ATP2C1: variants seen among roughly 807,000 people sequenced by gnomAD.
ATP2C1 encodes the protein calcium-transporting ATPase type 2C member 1.
ATP2C1 carries 31 observed loss-of-function variants against 120.5 expected under a neutral mutation model. That is an observed-to-expected ratio of 0.26 (90% CI 0.19 to 0.35). The LOEUF is 0.35. Ranked by LOEUF, ATP2C1 falls within the 10% of genes least tolerant of loss-of-function variation. ATP2C1 has a pLI of 1.00. For missense variants in ATP2C1, 731 were observed against 1,107.5 expected (o/e 0.66, Z 4.83); for synonymous variants, 351 against 358.7 (o/e 0.98, Z 0.24).
intron 1 of ATP2C1, among the ~76,000 whole-genome samples, chr3:130,880,776 A>C (rs912818739): frequency 6.6e-6 from 1 of 152,146 alleles, no homozygotes; most frequent in Non-Finnish European, 1.5e-5. Flanking sequence ...GTCTGTTTGG[A>C]TGATTGTCCT....
At chr3:130,993,031 T>G in intron 21 of ATP2C1, 30 bp downstream of exon 21, 1 of 1,585,886 alleles carries the variant, frequency 6.3e-7, no homozygotes, top group Non-Finnish European at 8.7e-7. Flanking sequence ...ATTGTTTTAT[T>G]TCTGTATACA....
At position 131,008,868 on chromosome 3, in the gene ATP2C1, G is replaced by A. The variant is rs537646567; in HGVS notation, c.2630-7284G>A. On this transcript the variant is annotated intron_variant, in intron 26 of 26. Coordinates refer to the ATP2C1 transcript ENST00000328560. ...CCATCAAGGCCCCCATGTAGAGAAA[G>A]TCAGAGTGTCTCAGACTGTTGTTAA... Among the ~76,000 whole-genome samples, 9 of 152,314 alleles carry A rather than the reference G, an allele frequency of 5.9e-5. No homozygotes were observed. The South Asian group carries it at 1.7e-3, about 28-fold the overall frequency.
At chr3:130,909,778 T>A (rs1218107284) in intron 2 of ATP2C1, among the ~76,000 whole-genome samples, 1 of 152,190 alleles carries the variant, frequency 6.6e-6, no homozygotes, top group African/African-American at 2.4e-5. Context: ...CCCATGTGTT[T>A]GTCTGAATTA....
chr3:130,872,399 A>G (rs942758742), intron 1 of ATP2C1, among the ~76,000 whole-genome samples: 1 of 152,094 alleles, frequency 6.6e-6, no homozygotes, highest in Admixed American at 6.5e-5. Context: ...TATGTTTAAT[A>G]TGTATTCTGT....
chr3:130,979,470 G>C, intron 19 of ATP2C1, 51 bp downstream of exon 19: 8 of 1,564,336 alleles, frequency 5.1e-6, no homozygotes, highest in Non-Finnish European at 7.0e-6. Flanking sequence ...TTAAAATACT[G>C]TGGTGCATAA....
intron 2 of ATP2C1, among the ~76,000 whole-genome samples, chr3:130,906,120 TTAAAGTGTATAA>T (rs2058108622): frequency 6.6e-6 from 1 of 152,110 alleles, no homozygotes; most frequent in Admixed American, 6.6e-5. Context: ...ATTTGTCATT[TTAAAGTGTATAA>T]TTCAGTGGTT....
rs2062970714 is a variant in ATP2C1 at position 131,003,130 on chromosome 3, A to C, written c.*1780A>C. ...TTCATTTGCTTTGTACTATAAAAAT[A>C]AAAATGATTTCTTAAGTTAATGACA... On this transcript the variant is annotated 3_prime_UTR_variant, in exon 28 of 28. Coordinates refer to ENST00000510168, the MANE Select transcript of ATP2C1 (RefSeq NM_001378687.1). 1 of 982,718 alleles carries C rather than the reference A, an allele frequency of 1.0e-6. No individual in the cohort carries two copies. The highest frequency in any genetic ancestry group is 1.2e-6 in the Non-Finnish European group (1 of 827,164). The allele number at this position is 982,718 out of a possible 1,614,324, so 60.9% of individuals were successfully genotyped here.
chr3:130,971,108 A>G (rs1214365956), intron 17 of ATP2C1, among the ~76,000 whole-genome samples: 3 of 152,226 alleles, frequency 2.0e-5, no homozygotes, highest in African/African-American at 7.2e-5. Flanking sequence ...TTAACCACAT[A>G]GTTATATGGC....
rs72628534 is a variant in ATP2C1, at chr3:130,964,132, C to T, written c.1024+37C>T. On this transcript the variant is annotated intron_variant, in intron 13 of 27. Transcript: ENST00000510168. ...TTAAGAGCATTCTTATGCAATGATGCGTAAGTTTATGTCAATAGTGAATCA... is the reference window on the plus strand; with the variant it reads ...TTAAGAGCATTCTTATGCAATGATGTGTAAGTTTATGTCAATAGTGAATCA... 9.1e-3 allele frequency: 14,651 copies of T among 1,608,936 alleles called. 1,012 individuals are homozygous for T. The East Asian group carries it at 0.19, about 20-fold the overall frequency.
rs375713962 is a variant in ATP2C1, at chr3:130,975,315, G to A, written c.1414-17G>A. ...CAAGTTGAAATTAAACTTGTGTTTGGTACATTTTCTTCTTAGGACAGACCA... is the reference window on the plus strand; with the variant it reads ...CAAGTTGAAATTAAACTTGTGTTTGATACATTTTCTTCTTAGGACAGACCA... On this transcript the variant is annotated splice_polypyrimidine_tract_variant and intron_variant, in intron 17 of 27. Transcript: ENST00000510168. 6.8e-6 allele frequency: 11 copies of A among 1,613,064 alleles called. No homozygotes were observed. The African/African-American group carries it at 8.0e-5, about 12-fold the overall frequency.
At chr3:131,016,314 A>C in exon 27 of ATP2C1, 2 of 1,614,110 alleles carry the variant, frequency 1.2e-6, no homozygotes, top group South Asian at 2.2e-5. Context: ...ACATCTTAGC[A>C]CCATCTTCCT....
intron 25 of ATP2C1, 41 bp from the exon 26 acceptor site, chr3:130,998,252 AT>A (rs1422319270): frequency 7.7e-7 from 1 of 1,302,190 alleles, no homozygotes; most frequent in Admixed American, 1.7e-5. Flanking sequence ...TATCCATTAA[AT>A]TCAGCCACTG....
chr3:130,940,627 T>A lies in ATP2C1; in HGVS notation c.361-3T>A, dbSNP rs576608701. 6.2e-7 allele frequency: 1 copy of A among 1,600,622 alleles called. No homozygotes were observed. The highest frequency in any genetic ancestry group is 8.6e-7 in the Non-Finnish European group (1 of 1,168,228). ...TAAATTCTACTTTTTTTTGTTTGAA[T>A]AGGAATATCGTTCAGAAAAATCTCT... On this transcript the variant is annotated splice_polypyrimidine_tract_variant and splice_region_variant and intron_variant, in intron 6 of 27. Coordinates refer to ENST00000510168, the MANE Select transcript of ATP2C1 (RefSeq NM_001378687.1).
At position 130,999,567 on chromosome 3, in the gene ATP2C1, A is replaced by G; in HGVS notation, c.2537A>G (p.Tyr846Cys). 2 of 1,613,696 alleles carry G rather than the reference A, an allele frequency of 1.2e-6. No homozygotes were observed. Among genetic ancestry groups the G allele is most frequent in the Non-Finnish European group, 1.7e-6 (2 of 1,179,756 alleles). ...IGLCSNRMFC[Y>C]AVLGSIMGQL... Reference sequence around the variant, plus strand: ...CTCTGCAGTAATAGAATGTTTTGCTATGCAGTTCTTGGATCCATCATGGGA... The same window carrying G: ...CTCTGCAGTAATAGAATGTTTTGCTGTGCAGTTCTTGGATCCATCATGGGA... Residue 846 changes from tyrosine (Y) to cysteine (C), a missense_variant, in exon 27 of 28, where the codon TAT becomes TGT. Physicochemically the swap from Tyr to Cys is radical, Grantham distance 194. This residue lies in a region of ATP2C1 where 141 missense variants were observed against 201.6 expected (regional missense o/e 0.70). Coordinates refer to ENST00000510168, the MANE Select transcript of ATP2C1 (RefSeq NM_001378687.1).
At chr3:130,951,689 G>A (rs912350781) in intron 8 of ATP2C1, among the ~76,000 whole-genome samples, 7 of 152,168 alleles carry the variant, frequency 4.6e-5, no homozygotes, top group African/African-American at 1.2e-4. Context: ...CTTCAGTTGC[G>A]TTAAGGTAAT....
chr3:130,936,691 C>A (rs957542755), intron 5 of ATP2C1, among the ~76,000 whole-genome samples: 1 of 151,778 alleles, frequency 6.6e-6, no homozygotes, highest in East Asian at 1.9e-4. Flanking sequence ...GTGGTGGGCA[C>A]CTGTAGTCCC....
At chr3:130,910,922 G>A (rs1423952576) in intron 2 of ATP2C1, among the ~76,000 whole-genome samples, 1 of 105,592 alleles carries the variant, frequency 9.5e-6, no homozygotes, top group Admixed American at 1.0e-4. Flanking sequence ...TTTTGGTTGT[G>A]TCTCTGCCCG....
intron 1 of ATP2C1, among the ~76,000 whole-genome samples, chr3:130,867,335 C>CCTCTCG (rs2068214571): frequency 6.6e-6 from 1 of 150,830 alleles, no homozygotes; most frequent in African/African-American, 2.5e-5. Context: ...TCTCCCTCTC[C>CCTCTCG]CTCACGGTCT....
intron 8 of ATP2C1, among the ~76,000 whole-genome samples, chr3:130,949,054 AACCCTACAGTG>A (rs2060262787): frequency 6.6e-6 from 1 of 152,136 alleles, no homozygotes; most frequent in Non-Finnish European, 1.5e-5. Context: ...GCCAATTAAT[AACCCTACAGTG>A]GCCTCTTAAG....
Sources: allele counts gnomAD v4.1 joint callset (sites outside exome capture counted in the v4.1 genomes callset), GRCh38; gene constraint gnomAD v4.1.1; regional missense constraint gnomAD v4.1.1; transcripts MANE v1.5; gene names NCBI Gene and HGNC (gene_info 2026-07-23, HGNC 2026-07-21).